The following AIG1 variants were observed in gnomAD, a reference collection of about 807,000 sequenced individuals.
AIG1 encodes the protein androgen induced 1, also known as androgen-induced gene 1 protein.
AIG1 carries 23 observed loss-of-function variants against 31.4 expected under a neutral mutation model. The observed-to-expected ratio is 0.73, with a 90% CI of 0.53 to 1.04. The LOEUF is 1.04. Ranked by LOEUF, AIG1 falls within the 50% of genes least tolerant of loss-of-function variation. AIG1 has a pLI of 0.00. For synonymous variants in AIG1, 100 were observed against 110.5 expected (o/e 0.90, Z 0.60); for missense variants, 274 against 295.0 (o/e 0.93, Z 0.52).
At chr6:143,181,660 G>A (rs1788731293) in intron 3 of AIG1, among the ~76,000 whole-genome samples, 1 of 152,110 alleles carries the variant, frequency 6.6e-6, no homozygotes, top group South Asian at 2.1e-4. Context: ...TGGAAAAAAT[G>A]TATTATTTTT....
Position 143,280,614 on chromosome 6 carries a change from T to C in AIG1, c.400-3496T>C, listed in dbSNP as rs1283639784. Among the ~76,000 whole-genome samples the C allele has an allele frequency of 1.3e-5, 2 of 152,134 alleles. No homozygotes were observed. Among genetic ancestry groups the C allele is most frequent in the Non-Finnish European group, 2.9e-5 (2 of 68,024 alleles). On this transcript the variant is annotated intron_variant, in intron 3 of 5. Transcript: ENST00000357847. The surrounding 1 kb of genome is among the most constrained non-coding windows in gnomAD (Gnocchi z 4.1). ...GAGGCTGTAATCCTTAGCAAACTAA[T>C]GCAGGAACAGAAAACCAAACACCGC... is the stretch of plus-strand genomic sequence containing the variant.
At chr6:143,217,655 C>T (rs1792135962) in intron 3 of AIG1, among the ~76,000 whole-genome samples, 1 of 152,058 alleles carries the variant, frequency 6.6e-6, no homozygotes, top group Non-Finnish European at 1.5e-5. Flanking sequence ...ATTACAGGCA[C>T]CTGCCACCAC....
At chr6:143,269,281 A>G (rs1239710465) in intron 3 of AIG1, among the ~76,000 whole-genome samples, 2 of 152,360 alleles carry the variant, frequency 1.3e-5, no homozygotes, top group East Asian at 1.9e-4. Flanking sequence ...TTTAAAGGGC[A>G]AGCATGAGAA....
At chr6:143,264,729 TATTG>T (rs1020307909) in intron 3 of AIG1, among the ~76,000 whole-genome samples, 1 of 152,214 alleles carries the variant, frequency 6.6e-6, no homozygotes, top group African/African-American at 2.4e-5. Context: ...ACCTGCGTGT[TATTG>T]ATTGGTTTCT....
intron 1 of AIG1, among the ~76,000 whole-genome samples, chr6:143,073,649 G>T (rs1251779032): frequency 1.3e-5 from 2 of 152,172 alleles, no homozygotes; most frequent in Non-Finnish European, 2.9e-5. Flanking sequence ...TATAAGAAAA[G>T]AGGTTTAATT....
intron 1 of AIG1, among the ~76,000 whole-genome samples, chr6:143,081,193 T>C (rs1380687567): frequency 6.6e-6 from 1 of 152,160 alleles, no homozygotes; most frequent in Non-Finnish European, 1.5e-5. Flanking sequence ...GTTAGCTTTT[T>C]TAGATGTCGT....
At chr6:143,309,152 C>CA (rs1458319514) in intron 4 of AIG1, among the ~76,000 whole-genome samples, 12 of 151,798 alleles carry the variant, frequency 7.9e-5, no homozygotes, top group South Asian at 4.2e-4. Flanking sequence ...TATTGAAAGA[C>CA]AAAAGCCGTC....
chr6:143,146,585 T>C (rs1465136068), intron 2 of AIG1, among the ~76,000 whole-genome samples: 1 of 151,198 alleles, frequency 6.6e-6, no homozygotes, highest in East Asian at 2.0e-4. Flanking sequence ...ACCTCATCCC[T>C]CCGCCCTAAA....
Position 143,088,563 on chromosome 6 carries a change from C to A in AIG1, c.141+27497C>A, listed in dbSNP as rs139992683. On this transcript the variant is annotated intron_variant, in intron 1 of 5. Coordinates refer to ENST00000357847, the MANE Select transcript of AIG1 (RefSeq NM_016108.4). ...TTAGTAACTGGGGACTGGAGAGTATCACTTCTAGGCCTGGAGCTTTGACCT... is the reference window on the plus strand; with the variant it reads ...TTAGTAACTGGGGACTGGAGAGTATAACTTCTAGGCCTGGAGCTTTGACCT... Among the ~76,000 whole-genome samples, 617 of 152,258 alleles carry A rather than the reference C, an allele frequency of 4.1e-3. 7 individuals carry two copies. Among genetic ancestry groups the A allele is most frequent in the African/African-American group, 0.014 (594 of 41,524 alleles).
intron 1 of AIG1, among the ~76,000 whole-genome samples, chr6:143,115,677 A>G (rs1003698491): frequency 6.6e-6 from 1 of 152,234 alleles, no homozygotes; most frequent in Non-Finnish European, 1.5e-5. Context: ...GCAGTTAAAT[A>G]ATATTCTGCA....
intron 1 of AIG1, among the ~76,000 whole-genome samples, chr6:143,113,957 G>T (rs1781520910): frequency 6.6e-6 from 1 of 151,968 alleles, no homozygotes; most frequent in African/African-American, 2.4e-5. Context: ...TGTATTTTTA[G>T]TAGAGATGGG....
intron 1 of AIG1, among the ~76,000 whole-genome samples, chr6:143,098,695 A>G (rs1002135892): frequency 1.3e-5 from 2 of 152,134 alleles, no homozygotes; most frequent in Admixed American, 1.3e-4. Flanking sequence ...TACCTCCCAA[A>G]CCTGCTTCTA....
chr6:143,304,872 G>C (rs1325078186), intron 4 of AIG1, among the ~76,000 whole-genome samples: 2 of 152,118 alleles, frequency 1.3e-5, no homozygotes, highest in Non-Finnish European at 2.9e-5. Flanking sequence ...CTTTTTGGTT[G>C]GTAAGCTGTT....
chr6:143,080,791 G>A (rs763396359), intron 1 of AIG1, among the ~76,000 whole-genome samples: 1 of 152,006 alleles, frequency 6.6e-6, no homozygotes, highest in African/African-American at 2.4e-5. Flanking sequence ...GGTTTGGCTC[G>A]AGTGTGACTT....
intron 2 of AIG1, among the ~76,000 whole-genome samples, chr6:143,163,486 T>C (rs1432137693): frequency 6.6e-6 from 1 of 152,112 alleles, no homozygotes; most frequent in Non-Finnish European, 1.5e-5. Context: ...ATCCTCAAGT[T>C]TTCCTAAACC....
chr6:143,227,786 C>T (rs189990586), intron 3 of AIG1, among the ~76,000 whole-genome samples: 16 of 152,242 alleles, frequency 1.1e-4, no homozygotes, highest in Non-Finnish European at 1.6e-4. Flanking sequence ...GGTGCACATG[C>T]ACAGGGACCC....
chr6:143,300,791 T>C (rs1256162936), intron 4 of AIG1, among the ~76,000 whole-genome samples: 1 of 152,188 alleles, frequency 6.6e-6, no homozygotes, highest in Non-Finnish European at 1.5e-5. Context: ...ATTTTTTAAA[T>C]TGTATACTGT....
chr6:143,102,472 A>AT (rs1044710543), intron 1 of AIG1, among the ~76,000 whole-genome samples: 1 of 147,362 alleles, frequency 6.8e-6, no homozygotes, highest in Non-Finnish European at 1.5e-5. Context: ...ATATATATAT[A>AT]AAATATAATA....
intron 3 of AIG1, among the ~76,000 whole-genome samples, chr6:143,194,544 A>G (rs1216451095): frequency 6.6e-6 from 1 of 152,240 alleles, no homozygotes; most frequent in South Asian, 2.1e-4. Context: ...TCAGGTGATC[A>G]TAACTTGGGT....
Sources: allele counts gnomAD v4.1 joint callset (sites outside exome capture counted in the v4.1 genomes callset), GRCh38; gene constraint gnomAD v4.1.1; non-coding constraint Gnocchi (gnomAD v3.1); transcripts MANE v1.5; gene names NCBI Gene and HGNC (gene_info 2026-07-23, HGNC 2026-07-21).